PDZD7: variants seen among roughly 807,000 people sequenced by gnomAD.
PDZD7 encodes PDZ domain-containing protein 7.
A neutral mutation model predicts 84.7 loss-of-function variants in PDZD7; 72 were observed. That is an observed-to-expected ratio of 0.85 (90% CI 0.70 to 1.03). The LOEUF (loss-of-function observed/expected upper bound fraction) is 1.03. PDZD7 is among the 50% of genes least tolerant of loss of function. The pLI is 0.00. For synonymous variants in PDZD7, 594 were observed against 580.7 expected (o/e 1.02, Z -0.33); for missense variants, 1,490 against 1,412.9 (o/e 1.05, Z -0.87).
At chr10:101,020,949 A>C (rs1853059129) in intron 6 of PDZD7, among the ~76,000 whole-genome samples, 2 of 152,016 alleles carry the variant, frequency 1.3e-5, no homozygotes, top group Admixed American at 1.3e-4. Context: ...ATTTCCTTAG[A>C]GCATTTGTCA....
intron 11 of PDZD7, among the ~76,000 whole-genome samples, chr10:101,012,532 T>C (rs1852432896): frequency 6.6e-6 from 1 of 152,172 alleles, no homozygotes; most frequent in South Asian, 2.1e-4. Context: ...TTACATACTG[T>C]CTCTCAGCAA....
intron 6 of PDZD7, among the ~76,000 whole-genome samples, chr10:101,021,286 G>C (rs1454375212): frequency 6.6e-6 from 1 of 152,138 alleles, no homozygotes; most frequent in Non-Finnish European, 1.5e-5. Flanking sequence ...TGGGCACCAG[G>C]GGAGAGTGAG....
intron 2 of PDZD7, among the ~76,000 whole-genome samples, chr10:101,028,090 G>C (rs1000140222): frequency 2.6e-5 from 4 of 152,166 alleles, no homozygotes; most frequent in Non-Finnish European, 5.9e-5. Flanking sequence ...CCAGGCTGCG[G>C]TGACTTGGGA....
Position 101,010,695 on chromosome 10 carries a change from A to C in PDZD7, c.2194T>G (p.Cys732Gly). The C allele has an allele frequency of 8.0e-7, 1 of 1,245,880 alleles. No individual in the cohort carries two copies. Among genetic ancestry groups the C allele is most frequent in the Non-Finnish European group, 1.0e-6 (1 of 970,126 alleles). 77.2% of individuals were successfully genotyped at this position (1,245,880 alleles called of 1,614,324 possible). Residue 732 changes from cysteine (C) to glycine (G), a missense_variant, in exon 15 of 17, where the codon TGC becomes GGC. Physicochemically the swap from Cys to Gly is radical, Grantham distance 159. Transcript: ENST00000619208. ...VDAFTPLRIA[C>G]TPPPQLPPVA... ...GGGGGTAGCTGGGGAGGGGGTGTGCAGGCAATTCGGAGGGGGGTGAAGGCA... is the reference window on the plus strand; with the variant it reads ...GGGGGTAGCTGGGGAGGGGGTGTGCCGGCAATTCGGAGGGGGGTGAAGGCA...
At position 101,023,468 on chromosome 10, in the gene PDZD7, C is replaced by G. The variant is rs368769051; in HGVS notation, c.510G>C (p.Pro170=). Residue 170 remains proline, a synonymous_variant, in exon 4 of 17, where the codon CCG becomes CCC. Coordinates refer to ENST00000619208, the MANE Select transcript of PDZD7 (RefSeq NM_001195263.2). ...TCTTCTCCTTGGAGAACTTGATGCC[C>G]GGCACACGGCCCATGCGCCGAACCA... ...HMMVRRMGRV[P]GIKFSKEKTT... 1.2e-6 allele frequency: 2 copies of G among 1,613,892 alleles called. No individual in the cohort carries two copies. Among genetic ancestry groups the G allele is most frequent in the African/African-American group, 2.7e-5 (2 of 74,866 alleles).
Position 101,019,009 on chromosome 10 carries a change from C to T in PDZD7, c.1137G>A (p.Arg379=). 6.4e-7 allele frequency: 1 copy of T among 1,574,590 alleles called. No homozygotes were observed. Among genetic ancestry groups the T allele is most frequent in the East Asian group, 2.3e-5 (1 of 43,104 alleles). The change falls in exon 8 of 17, where the codon CGG becomes CGA. Residue 379 remains arginine, a synonymous_variant. Transcript: ENST00000619208. ...AMQTEPDAGG[R]VETWCSVRPT... is the part of the protein sequence containing the mutation. ...GCCGCACGCTGCACCAGGTCTCCAC[C>T]CGGCCTCCCGCATCGGGCTCCGTCT... is the stretch of plus-strand genomic sequence containing the variant.
Position 101,008,035 on chromosome 10 carries a change from CT to C in PDZD7, c.*431del, listed in dbSNP as rs60176472. On this transcript the variant is annotated 3_prime_UTR_variant, in exon 17 of 17. Transcript: ENST00000619208. The stretch of plus-strand genomic sequence containing the variant: ...TCAGGATTTCAGGGACTAGAAAAGC[CT>C]TTCATCCGTTTCCTTGCACAGAATG... The C allele has an allele frequency of 0.021, 3,791 of 179,258 alleles. 153 individuals carry two copies. The highest frequency in any genetic ancestry group is 0.08 in the African/African-American group (3,395 of 42,438). 11.1% of individuals were successfully genotyped at this position (179,258 alleles called of 1,614,324 possible). A position where few individuals can be genotyped will look rare whatever the true frequency, so the allele number is the denominator to read the frequency against.
rs77484072 is a variant in PDZD7 at position 101,020,597 on chromosome 10, TG to T, written c.928+20del. 797,324 of 1,605,934 alleles carry T rather than the reference TG, an allele frequency of 0.5. 201,691 individuals are homozygous for T. The highest frequency in any genetic ancestry group is 0.68 in the African/African-American group (50,412 of 74,638). ...GGCCTCAGCCCTTTCCCTCCAACCT[TG>T]GGAGATCTGAGCCACTTACGTCGGT... On this transcript the variant is annotated intron_variant, in intron 7 of 16. Coordinates refer to ENST00000619208, the MANE Select transcript of PDZD7 (RefSeq NM_001195263.2).
intron 15 of PDZD7, 70 bp downstream of exon 15, chr10:101,010,199 ACTC>A: frequency 2.1e-6 from 3 of 1,449,790 alleles, no homozygotes; most frequent in East Asian, 2.5e-5. Context: ...CTGGCCCAAT[ACTC>A]CTCCAGATTC....
At chr10:101,025,522 TTTTA>T (rs59545181) in intron 2 of PDZD7, among the ~76,000 whole-genome samples, 10,586 of 137,962 alleles carry the variant, frequency 0.077, 495 homozygotes, top group East Asian at 0.2. Context: ...ATGGAAGGGA[TTTTA>T]TTTATTTATT....
chr10:101,024,092 T>A, intron 2 of PDZD7, 24 bp from the exon 3 acceptor site: 2 of 1,614,206 alleles, frequency 1.2e-6, no homozygotes, highest in Non-Finnish European at 1.7e-6. Flanking sequence ...GATTTAGGGA[T>A]GCCCCCATGT....
chr10:101,019,146 T>G lies in PDZD7; in HGVS notation c.1000A>C (p.Ser334Arg). Residue 334 changes from serine (S) to arginine (R), a missense_variant, in exon 8 of 17, where the codon AGC (serine) becomes CGC (arginine). Physicochemically the swap from Ser to Arg is moderately radical, Grantham distance 110 (BLOSUM62 -1). Coordinates refer to ENST00000619208, the MANE Select transcript of PDZD7 (RefSeq NM_001195263.2). ...AGGGAGCCCGAGCTGTAGGGGGCGC[T>G]GGAGGCGCACGAAGAGACGCTGGAG... ...SSSSVSSCAS[S>R]APYSSGSLPS... 1 of 1,544,490 alleles carries G rather than the reference T, an allele frequency of 6.5e-7. No homozygotes were observed. Among genetic ancestry groups the G allele is most frequent in the Non-Finnish European group, 8.7e-7 (1 of 1,151,320 alleles).
chr10:101,028,819 G>A (rs1181283614), intron 2 of PDZD7, among the ~76,000 whole-genome samples: 7 of 152,190 alleles, frequency 4.6e-5, no homozygotes, highest in Non-Finnish European at 2.9e-5. Context: ...CAGAATGACC[G>A]TGGTGACCCT....
rs1386117902 is a variant in PDZD7 at position 101,019,124 on chromosome 10, G to C, written c.1022C>G (p.Ser341Cys). Residue 341 changes from serine (S) to cysteine (C), a missense_variant, in exon 8 of 17, where the codon TCC becomes TGC. Coordinates refer to ENST00000619208, the MANE Select transcript of PDZD7 (RefSeq NM_001195263.2). ...CASSAPYSSG[S>C]LPSDRMDICL... The stretch of plus-strand genomic sequence containing the variant: ...GATGTCCATGCGGTCCGACGGCAGG[G>C]AGCCCGAGCTGTAGGGGGCGCTGGA... 1.9e-6 allele frequency: 3 copies of C among 1,549,002 alleles called. No homozygotes were observed. The highest frequency in any genetic ancestry group is 2.6e-6 in the Non-Finnish European group (3 of 1,153,664).
At position 101,014,015 on chromosome 10, in the gene PDZD7, A is replaced by ATT. The variant is rs34909819; in HGVS notation, c.1749+1619_1749+1620dup. 2.8e-4 allele frequency among the ~76,000 whole-genome samples: 39 copies of ATT among 140,898 alleles called. 1 individual carries two copies. The South Asian group carries it at 3.2e-3, about 12-fold the overall frequency. 92.4% of individuals were successfully genotyped at this position (140,898 alleles called of 152,430 possible). ...CAGGCGCCCACCACCATGCCCAGCT[A>ATT]TTTTTTTTTTTTTTTGTATTTTTAG... On this transcript the variant is annotated intron_variant, in intron 11 of 16. Coordinates refer to ENST00000619208, the MANE Select transcript of PDZD7 (RefSeq NM_001195263.2).
chr10:101,010,003 C>A (rs1852340994), intron 15 of PDZD7, among the ~76,000 whole-genome samples: 1 of 152,224 alleles, frequency 6.6e-6, no homozygotes, highest in South Asian at 2.1e-4. Flanking sequence ...AAGTGATTCT[C>A]CCGCTCAGCC....
In PDZD7 at chr10:101,019,338, C is replaced by T. The variant is rs373549823; in HGVS notation, c.929-121G>A. ...GTCAGGCAGCAGCCAGGGTTAGAAC[C>T]GCAGTGGTGAGGAACCCGCTGCTCC... is the stretch of plus-strand genomic sequence containing the variant. On this transcript the variant is annotated intron_variant, in intron 7 of 16. Transcript: ENST00000619208. 3 of 1,295,196 alleles carry T rather than the reference C, an allele frequency of 2.3e-6. No homozygotes were observed. The East Asian group carries it at 7.6e-5, about 33-fold the overall frequency. The allele number at this position is 1,295,196 out of a possible 1,614,324, so 80.2% of individuals were successfully genotyped here.
At position 101,012,187 on chromosome 10, in the gene PDZD7, C is replaced by T; in HGVS notation, c.1821G>A (p.Leu607=). ...CCCACCTGATGTCCTGCAGCAGTAG[C>T]AGCTTCTCCGGCCTGTCGAGGATGG... ...LLAILDRPEK[L]LLLQDIRSVV... is the part of the protein sequence containing the mutation. The change falls in exon 12 of 17, where the codon CTG becomes CTA. Residue 607 remains leucine (L), a synonymous_variant. Transcript: ENST00000619208. 1 of 1,550,534 alleles carries T rather than the reference C, an allele frequency of 6.4e-7. No individual in the cohort carries two copies. The highest frequency in any genetic ancestry group is 1.2e-5 in the South Asian group (1 of 84,064).
intron 9 of PDZD7, 35 bp from the exon 10 acceptor site, chr10:101,016,462 G>A: frequency 6.5e-7 from 1 of 1,549,846 alleles, no homozygotes; most frequent in Non-Finnish European, 8.7e-7. Context: ...TGCAGGCCTT[G>A]GCCCCCAGTC....
Sources: allele counts gnomAD v4.1 joint callset (sites outside exome capture counted in the v4.1 genomes callset), GRCh38; gene constraint gnomAD v4.1.1; transcripts MANE v1.5; gene names NCBI Gene and HGNC (gene_info 2026-07-23, HGNC 2026-07-21).